IQGAP2: variants seen among roughly 807,000 people sequenced by gnomAD.
IQGAP2 encodes the protein IQ motif containing GTPase activating protein 2, also known as ras GTPase-activating-like protein IQGAP2.
IQGAP2 carries 173 observed loss-of-function variants against 201.3 expected under a neutral mutation model. The observed-to-expected ratio is 0.86, with a 90% CI of 0.76 to 0.98. The LOEUF is 0.98. IQGAP2 is among the 50% of genes least tolerant of loss of function. The probability of loss-of-function intolerance (pLI) is 0.00; values close to 1 mark genes in which losing one functional copy is unlikely to be tolerated. For missense variants in IQGAP2, 1,687 were observed against 1,864.8 expected, an observed-to-expected ratio of 0.90 and a Z score of 1.76; for synonymous variants, 675 against 673.9, an observed-to-expected ratio of 1.00 and a Z score of -0.03.
intron 17 of IQGAP2, 90 bp downstream of exon 17, chr5:76,641,193 T>C: frequency 1.0e-6 from 1 of 986,564 alleles, no homozygotes; most frequent in Non-Finnish European, 1.5e-6. Flanking sequence ...CTACCAGCAT[T>C]CCTATAAACA....
chr5:76,624,998 T>C (rs1750091442), intron 13 of IQGAP2, among the ~76,000 whole-genome samples: 1 of 152,148 alleles, frequency 6.6e-6, no homozygotes, highest in Non-Finnish European at 1.5e-5. Context: ...AGCTTGACCC[T>C]GAGAGGCGGA....
intron 17 of IQGAP2, among the ~76,000 whole-genome samples, chr5:76,645,698 C>T (rs905271651): frequency 6.6e-6 from 1 of 151,912 alleles, no homozygotes; most frequent in African/African-American, 2.4e-5. Context: ...TATTCCCAGC[C>T]AAGCTGCCTT....
chr5:76,515,612 C>T (rs1561431448), intron 2 of IQGAP2, among the ~76,000 whole-genome samples: 1 of 152,136 alleles, frequency 6.6e-6, no homozygotes. Context: ...TCTATAGGAA[C>T]AAATTTGTTT....
chr5:76,507,388 G>T (rs1015906306), intron 2 of IQGAP2, among the ~76,000 whole-genome samples: 11 of 150,996 alleles, frequency 7.3e-5, no homozygotes, highest in Admixed American at 6.0e-4. Context: ...AGACCTGAAT[G>T]TAAAACACAA....
At chr5:76,666,283 A>G (rs1465275902) in intron 22 of IQGAP2, among the ~76,000 whole-genome samples, 1 of 152,250 alleles carries the variant, frequency 6.6e-6, no homozygotes, top group Non-Finnish European at 1.5e-5. Context: ...CAGCAAACCT[A>G]GAAAGAAAGG....
At chr5:76,682,986 TTTA>T in intron 28 of IQGAP2, 126 bp from the exon 29 acceptor site, 1 of 518,688 alleles carries the variant, frequency 1.9e-6, no homozygotes. Flanking sequence ...GTCTCTAATT[TTTA>T]TAAATGTCAT....
In IQGAP2 at chr5:76,438,281, T is replaced by C. The variant is rs148056952; in HGVS notation, c.47-23289T>C. On this transcript the variant is annotated intron_variant, in intron 1 of 35. Transcript: ENST00000274364. ...ATCTCAGTTCTTGTTATTGGTCTTT[T>C]CAGGATTTCTGTCTCTTCCTGATTC... Among the ~76,000 whole-genome samples, 234 of 152,222 alleles carry C rather than the reference T, an allele frequency of 1.5e-3. 1 individual carries two copies. The highest frequency in any genetic ancestry group is 5.3e-3 in the African/African-American group (220 of 41,544).
At chr5:76,487,206 T>C (rs1432496759) in intron 2 of IQGAP2, among the ~76,000 whole-genome samples, 1 of 151,920 alleles carries the variant, frequency 6.6e-6, no homozygotes, top group Non-Finnish European at 1.5e-5. Context: ...TCAAGCAGTT[T>C]TCCTGCCTCA....
At chr5:76,628,869 T>C (rs1006002449) in intron 14 of IQGAP2, 2 of 322,566 alleles carry the variant, frequency 6.2e-6, no homozygotes, top group Admixed American at 4.4e-5. Flanking sequence ...AAATTTCAAC[T>C]TAAATATAAA....
At chr5:76,407,862 G>A (rs1199966442) in intron 1 of IQGAP2, among the ~76,000 whole-genome samples, 1 of 152,182 alleles carries the variant, frequency 6.6e-6, no homozygotes. Flanking sequence ...TGGGCATGGT[G>A]GCTCACACCT....
chr5:76,478,045 T>C (rs1334932911), intron 2 of IQGAP2, among the ~76,000 whole-genome samples: 2 of 152,186 alleles, frequency 1.3e-5, no homozygotes, highest in Non-Finnish European at 2.9e-5. Flanking sequence ...TAGGGTTAAT[T>C]TATTATTGAA....
chr5:76,548,082 CT>C (rs1170164775), intron 2 of IQGAP2, among the ~76,000 whole-genome samples: 2 of 152,128 alleles, frequency 1.3e-5, no homozygotes, highest in South Asian at 2.1e-4. Context: ...ATGCTGGGTG[CT>C]TTTTTCCTGG....
At chr5:76,688,773 A>G (rs575560338) in intron 30 of IQGAP2, among the ~76,000 whole-genome samples, 1 of 151,852 alleles carries the variant, frequency 6.6e-6, no homozygotes, top group African/African-American at 2.4e-5. Flanking sequence ...ATATATTAAA[A>G]TAAACATGTA....
At chr5:76,453,131 G>A (rs1753871476) in intron 1 of IQGAP2, among the ~76,000 whole-genome samples, 1 of 152,030 alleles carries the variant, frequency 6.6e-6, no homozygotes, top group Non-Finnish European at 1.5e-5. Flanking sequence ...GGTCAGGCTG[G>A]TCTTGAACTC....
intron 2 of IQGAP2, among the ~76,000 whole-genome samples, chr5:76,522,325 G>T (rs1758735022): frequency 6.6e-6 from 1 of 152,072 alleles, no homozygotes; most frequent in South Asian, 2.1e-4. Context: ...TGGGATTATA[G>T]GTGCCTGCCA....
rs150138284 is a variant in IQGAP2 at position 76,409,930 on chromosome 5, G to C, written c.46+6339G>C. On this transcript the variant is annotated intron_variant, in intron 1 of 35. Transcript: ENST00000274364. ...CTGACTTCCATTGCCTGCCTCAGTA[G>C]CCTTGGGGTTTTCTCCTGTACCTTG... 5.9e-5 allele frequency among the ~76,000 whole-genome samples: 9 copies of C among 152,328 alleles called. 1 individual carries two copies. In the East Asian group the frequency reaches 1.5e-3, roughly 26 times the overall value.
At chr5:76,520,861 C>T (rs539108923) in intron 2 of IQGAP2, among the ~76,000 whole-genome samples, 11 of 152,102 alleles carry the variant, frequency 7.2e-5, no homozygotes, top group Admixed American at 3.9e-4. Flanking sequence ...GCACACGCCA[C>T]CATGCCCGGC....
chr5:76,579,140 A>G (rs1745666630), intron 5 of IQGAP2, among the ~76,000 whole-genome samples: 1 of 152,158 alleles, frequency 6.6e-6, no homozygotes, highest in Non-Finnish European at 1.5e-5. Context: ...GTACGTTATT[A>G]CAAACTTACT....
rs370208049 is a variant in IQGAP2, at chr5:76,484,788, T to C, written c.146+23119T>C. ...ACTTCAGCCTCCAAAAGCACTGGGATTACAGGTGGCCTCATTTCTCTCTCT... is the reference window on the plus strand; with the variant it reads ...ACTTCAGCCTCCAAAAGCACTGGGACTACAGGTGGCCTCATTTCTCTCTCT... On this transcript the variant is annotated intron_variant, in intron 2 of 35. Coordinates refer to ENST00000274364, the MANE Select transcript of IQGAP2 (RefSeq NM_006633.5). Among the ~76,000 whole-genome samples, 122 of 151,996 alleles carry C rather than the reference T, an allele frequency of 8.0e-4. 2 individuals carry two copies. In the South Asian group the frequency reaches 0.017, roughly 22 times the overall value.
Sources: gnomAD v4.1 joint callset for allele counts (sites outside exome capture counted in the v4.1 genomes callset) on GRCh38, gnomAD v4.1.1 for gene constraint, MANE v1.5 for transcripts, NCBI Gene and HGNC (gene_info 2026-07-23, HGNC 2026-07-21) for gene names.